The following FGD6 variants were observed in gnomAD, a reference collection of about 807,000 sequenced individuals.
The protein encoded by FGD6 is FYVE, RhoGEF and PH domain-containing protein 6.
FGD6 carries 90 observed loss-of-function variants against 149.4 expected under a neutral mutation model. That is an observed-to-expected ratio of 0.60 (90% CI 0.51 to 0.72). The LOEUF (loss-of-function observed/expected upper bound fraction) is 0.72, where lower values mean the gene tolerates loss of function less well. FGD6 is among the 30% of genes least tolerant of loss of function. The pLI is 0.00. For synonymous variants in FGD6, 527 were observed against 584.0 expected, an observed-to-expected ratio of 0.90 and a Z score of 1.41; for missense variants, 1,437 against 1,684.8, an observed-to-expected ratio of 0.85 and a Z score of 2.57.
intron 8 of FGD6, among the ~76,000 whole-genome samples, chr12:95,124,916 C>T (rs1879291652): frequency 6.6e-6 from 1 of 152,112 alleles, no homozygotes; most frequent in Admixed American, 6.6e-5. Context: ...AATCGTGGTA[C>T]TTATTACATC....
intron 3 of FGD6, among the ~76,000 whole-genome samples, chr12:95,169,678 T>C (rs1031514162): frequency 2.6e-5 from 4 of 152,082 alleles, no homozygotes; most frequent in Admixed American, 6.6e-5. Context: ...TGGTCAGTGC[T>C]CCAAGAAGTA....
chr12:95,093,364 G>A (rs1878130935), intron 15 of FGD6, among the ~76,000 whole-genome samples: 1 of 151,806 alleles, frequency 6.6e-6, no homozygotes, highest in Non-Finnish European at 1.5e-5. Context: ...TGGTCAACAT[G>A]GTGAAAACCT....
At chr12:95,096,712 G>T (rs939964694) in intron 14 of FGD6, among the ~76,000 whole-genome samples, 2 of 152,122 alleles carry the variant, frequency 1.3e-5, no homozygotes, top group Non-Finnish European at 2.9e-5. Flanking sequence ...AGGAAACTGA[G>T]AATTAGTAAT....
At chr12:95,091,901 C>T (rs1878067102) in intron 16 of FGD6, 92 bp from the exon 17 acceptor site, 3 of 927,728 alleles carry the variant, frequency 3.2e-6, no homozygotes, top group Non-Finnish European at 4.9e-6. Flanking sequence ...GTGCTATCCA[C>T]TTTTCAAAAC....
intron 2 of FGD6, among the ~76,000 whole-genome samples, chr12:95,180,081 A>G (rs1388891912): frequency 1.3e-5 from 2 of 148,474 alleles, no homozygotes; most frequent in Admixed American, 6.7e-5. Flanking sequence ...TCTGCCTCCA[A>G]AAAAAAAAAA....
At chr12:95,126,440 A>C in intron 8 of FGD6, 1 of 1,061,610 alleles carries the variant, frequency 9.4e-7, no homozygotes, top group Non-Finnish European at 1.3e-6. Context: ...AACAAACAAA[A>C]AACAAAGGCC....
intron 8 of FGD6, among the ~76,000 whole-genome samples, chr12:95,128,468 TG>T (rs1379206562): frequency 6.6e-6 from 1 of 152,176 alleles, no homozygotes; most frequent in Non-Finnish European, 1.5e-5. Context: ...TTCAAACTCC[TG>T]GGCTCAAGCG....
At chr12:95,115,806 A>G (rs1878990661) in intron 8 of FGD6, among the ~76,000 whole-genome samples, 1 of 152,224 alleles carries the variant, frequency 6.6e-6, no homozygotes, top group African/African-American at 2.4e-5. Context: ...AACAGATGAC[A>G]CAAACACGCG....
chr12:95,091,607 A>G, intron 17 of FGD6, 100 bp downstream of exon 17: 1 of 680,964 alleles, frequency 1.5e-6, no homozygotes, highest in Non-Finnish European at 2.4e-6. Context: ...AGTATCAACA[A>G]TCATATTGCT....
At chr12:95,187,187 T>C (rs1881460944) in intron 2 of FGD6, among the ~76,000 whole-genome samples, 2 of 146,912 alleles carry the variant, frequency 1.4e-5, no homozygotes, top group Admixed American at 6.9e-5. Context: ...AAAAATTAGC[T>C]GGTCGTGGTG....
chr12:95,090,425 G>C (rs1370370822), intron 17 of FGD6, among the ~76,000 whole-genome samples: 1 of 152,174 alleles, frequency 6.6e-6, no homozygotes, highest in Admixed American at 6.5e-5. Context: ...AGGACTAACA[G>C]CAAGAAAACT....
chr12:95,100,617 C>T (rs550152833), intron 14 of FGD6: 72 of 507,766 alleles, frequency 1.4e-4, no homozygotes, highest in African/African-American at 1.3e-3. Flanking sequence ...TTTTTTCCCA[C>T]CCTTGGGACT....
chr12:95,172,455 C>T, intron 3 of FGD6, 145 bp downstream of exon 3: 2 of 682,478 alleles, frequency 2.9e-6, no homozygotes, highest in Non-Finnish European at 2.3e-6. Flanking sequence ...TTAGGTGCCA[C>T]ATTATAGCAG....
chr12:95,160,647 A>T (rs1880611986), intron 3 of FGD6, among the ~76,000 whole-genome samples: 1 of 152,238 alleles, frequency 6.6e-6, no homozygotes, highest in South Asian at 2.1e-4. Context: ...GAATTTGTGA[A>T]ACAAAGAACA....
At chr12:95,152,890 G>A (rs201396217) in intron 4 of FGD6, 36 bp downstream of exon 4, 1 of 1,613,334 alleles carries the variant, frequency 6.2e-7, no homozygotes, top group South Asian at 1.1e-5. Flanking sequence ...CCAATGGGGG[G>A]AAAACAGTCT....
At chr12:95,100,064 C>G (rs1017790171) in intron 14 of FGD6, among the ~76,000 whole-genome samples, 3 of 129,996 alleles carry the variant, frequency 2.3e-5, no homozygotes, top group East Asian at 4.8e-4. Context: ...ATCCCCCCCC[C>G]CCCCACCCCA....
In FGD6 at chr12:95,192,889, T is replaced by C. The variant is rs184111315; in HGVS notation, c.2441+15954A>G. Among the ~76,000 whole-genome samples the C allele has an allele frequency of 8.5e-4, 129 of 152,298 alleles. 2 individuals carry two copies. The highest frequency in any genetic ancestry group is 3.0e-3 in the African/African-American group (124 of 41,574). On this transcript the variant is annotated intron_variant, in intron 2 of 20. Coordinates refer to ENST00000343958, the MANE Select transcript of FGD6 (RefSeq NM_018351.4). ...TTGGAATGTAGAATGTGGTCAATTT[T>C]GTGTAGATGGGCAATAAGATGATCA...
At position 95,077,959 on chromosome 12, in the gene FGD6, TATA is replaced by T. The variant is rs371171810; in HGVS notation, c.*3558_*3560del. On this transcript the variant is annotated 3_prime_UTR_variant, in exon 21 of 21. Transcript: ENST00000343958. ...GAGAAAGTAGGTCTAAGGTCCAGGT[TATA>T]ATGTGGATATTTTCAGGCTGTGTTG... 139 of 152,348 alleles carry T rather than the reference TATA, an allele frequency of 9.1e-4. 1 individual carries two copies. Among genetic ancestry groups the T allele is most frequent in the African/African-American group, 3.0e-3 (125 of 41,568 alleles). The allele number at this position is 152,348 out of a possible 1,614,324, so 9.4% of individuals were successfully genotyped here. A position where few individuals can be genotyped will look rare whatever the true frequency, so the allele number is the denominator to read the frequency against.
chr12:95,213,689 C>T (rs975232368), intron 1 of FGD6, among the ~76,000 whole-genome samples: 18 of 152,090 alleles, frequency 1.2e-4, no homozygotes, highest in Admixed American at 2.0e-4. Context: ...TTAAAAAATG[C>T]GTTTTGTACA....
Sources: allele counts gnomAD v4.1 joint callset (sites outside exome capture counted in the v4.1 genomes callset), GRCh38; gene constraint gnomAD v4.1.1; transcripts MANE v1.5; gene names NCBI Gene and HGNC (gene_info 2026-07-23, HGNC 2026-07-21).